C1QTNF7: variants seen among roughly 807,000 people sequenced by gnomAD.
C1QTNF7 encodes the protein complement C1q tumor necrosis factor-related protein 7.
A neutral mutation model predicts 19.6 loss-of-function variants in C1QTNF7; 15 were observed. The observed-to-expected ratio is 0.76, with a 90% confidence interval of 0.51 to 1.18. The LOEUF is 1.18. Ranked by LOEUF, C1QTNF7 falls within the 50% of genes most tolerant of loss-of-function variation. The pLI is 0.00. For missense variants in C1QTNF7, 324 were observed against 359.7 expected (o/e 0.90, Z 0.80); for synonymous variants, 142 against 137.5 (o/e 1.03, Z -0.23).
chr4:15,431,052 TGATAGATAGATAGATAGATA>T (rs33924061), intron 1 of C1QTNF7, among the ~76,000 whole-genome samples: 74 of 145,022 alleles, frequency 5.1e-4, no homozygotes, highest in Admixed American at 8.3e-4. Context: ...GATAGATAGA[TGATAGATAGATAGATAGATA>T]GATAGATAGA....
intron 1 of C1QTNF7, among the ~76,000 whole-genome samples, chr4:15,399,987 T>A (rs941652658): frequency 1.3e-5 from 2 of 152,216 alleles, no homozygotes; most frequent in Admixed American, 6.5e-5. Context: ...CTATCCAATT[T>A]TTCTGAGGCC....
chr4:15,391,471 C>T (rs1298407440), intron 1 of C1QTNF7, among the ~76,000 whole-genome samples: 2 of 152,110 alleles, frequency 1.3e-5, no homozygotes, highest in Non-Finnish European at 2.9e-5. Context: ...AATTAAGAGG[C>T]TATTTCCAAA....
rs1712877810 is a variant in C1QTNF7 at position 15,443,608 on chromosome 4, C to CA, written c.*810dup. The CA allele has an allele frequency of 6.6e-6, 1 of 152,182 alleles. No homozygotes were observed. Among genetic ancestry groups the CA allele is most frequent in the Non-Finnish European group, 1.5e-5 (1 of 68,034 alleles). The allele number at this position is 152,182 out of a possible 1,614,324, so 9.4% of individuals were successfully genotyped here. On this transcript the variant is annotated 3_prime_UTR_variant, in exon 3 of 3. Coordinates refer to ENST00000444304, the MANE Select transcript of C1QTNF7 (RefSeq NM_031911.5). ...ATGGATGCAAAGGGAATGAGGAATT[C>CA]AGCACTGCATTCTCTTTGCACCCTC...
At chr4:15,343,477 A>G (rs2109279177) in intron 1 of C1QTNF7, among the ~76,000 whole-genome samples, 1 of 152,226 alleles carries the variant, frequency 6.6e-6, no homozygotes, top group South Asian at 2.1e-4. Flanking sequence ...TTTAGGAGGA[A>G]AAGTGTCAGC....
Position 15,356,330 on chromosome 4 carries a change from A to G in C1QTNF7, c.13+16123A>G, listed in dbSNP as rs377607637. ...TGTTCTCATTGTTCAACTCCCACTT[A>G]TGAGTGAGAACATGCAGTGTTTGGT... On this transcript the variant is annotated intron_variant, in intron 1 of 2. Coordinates refer to the C1QTNF7 transcript ENST00000295297. 3.0e-4 allele frequency among the ~76,000 whole-genome samples: 46 copies of G among 152,116 alleles called. No individual in the cohort carries two copies. In the South Asian group the frequency reaches 3.7e-3, roughly 12 times the overall value.
chr4:15,435,605 T>C lies in C1QTNF7; in HGVS notation c.-8-131T>C, dbSNP rs543150433. On this transcript the variant is annotated intron_variant, in intron 1 of 2. Coordinates refer to ENST00000444304, the MANE Select transcript of C1QTNF7 (RefSeq NM_031911.5). ...TTATGAAGGTAAACAGTGTTTTACA[T>C]GTCTGGAAAGACGAACACTGGAGTG... 61 of 1,303,692 alleles carry C rather than the reference T, an allele frequency of 4.7e-5. No individual in the cohort carries two copies. In the South Asian group the frequency reaches 7.6e-4, roughly 16 times the overall value. The allele number at this position is 1,303,692 out of a possible 1,614,324, so 80.8% of individuals were successfully genotyped here.
chr4:15,363,485 C>A (rs1413703091), intron 1 of C1QTNF7, among the ~76,000 whole-genome samples: 1 of 152,144 alleles, frequency 6.6e-6, no homozygotes, highest in South Asian at 2.1e-4. Flanking sequence ...CAATAGCAAA[C>A]TACACAGAAC....
rs938750067 is a variant in C1QTNF7, at chr4:15,445,468, C to A, written c.*2669C>A. 5 of 152,152 alleles carry A rather than the reference C, an allele frequency of 3.3e-5. No homozygotes were observed. The highest frequency in any genetic ancestry group is 1.9e-4 in the East Asian group (1 of 5,196). 9.4% of individuals were successfully genotyped at this position (152,152 alleles called of 1,614,324 possible). ...TTGCTTACTTATCTTTTAAATGTTT[C>A]TTTTATTACAAAGCCTATTTTGAGT... On this transcript the variant is annotated 3_prime_UTR_variant, in exon 3 of 3. Coordinates refer to ENST00000444304, the MANE Select transcript of C1QTNF7 (RefSeq NM_031911.5).
rs116915321 is a variant in C1QTNF7, at chr4:15,393,147, G to A, written c.14-42589G>A. Among the ~76,000 whole-genome samples, 451 of 152,194 alleles carry A rather than the reference G, an allele frequency of 3.0e-3. 4 individuals carry two copies. The East Asian group carries it at 0.046, about 16-fold the overall frequency. On this transcript the variant is annotated intron_variant, in intron 1 of 2. Transcript: ENST00000295297. ...TATAAGGGGAAATCTCTTTCGCTTG[G>A]CCCTCTTTTCTGTCTTGTCTGCCGC...
At chr4:15,356,271 C>T (rs1717143822) in intron 1 of C1QTNF7, among the ~76,000 whole-genome samples, 1 of 152,088 alleles carries the variant, frequency 6.6e-6, no homozygotes, top group Non-Finnish European at 1.5e-5. Flanking sequence ...CCCTGACGGG[C>T]CCAGGTGTGT....
At chr4:15,346,132 G>C (rs1351888290) in intron 1 of C1QTNF7, among the ~76,000 whole-genome samples, 1 of 152,130 alleles carries the variant, frequency 6.6e-6, no homozygotes, top group Non-Finnish European at 1.5e-5. Context: ...CATAAACATA[G>C]TATGGCTTTG....
intron 1 of C1QTNF7, among the ~76,000 whole-genome samples, chr4:15,357,041 T>G (rs1442031714): frequency 6.6e-6 from 1 of 152,066 alleles, no homozygotes; most frequent in Non-Finnish European, 1.5e-5. Context: ...TCCCATTCTG[T>G]AGGTTGCCTG....
Position 15,442,571 on chromosome 4 carries a change from G to A in C1QTNF7, c.642G>A (p.Gly214=), listed in dbSNP as rs1266247806. The A allele has an allele frequency of 1.9e-6, 3 of 1,614,032 alleles. No homozygotes were observed. Among genetic ancestry groups the A allele is most frequent in the Non-Finnish European group, 2.5e-6 (3 of 1,180,032 alleles). ...KHLAIGLVHN[G]QYRIKTFDAN... is the part of the protein sequence containing the mutation. ...TGGCAATCGGACTGGTACACAATGG[G>A]CAATACCGGATAAAGACCTTCGACG... The change falls in exon 3 of 3, where the codon GGG becomes GGA. Residue 214 remains glycine, a synonymous_variant. Transcript: ENST00000444304.
rs1008007580 is a variant in C1QTNF7, at chr4:15,445,304, T to C, written c.*2505T>C. ...GTAACTAATCCGGGAAAAGTGAACA[T>C]ATGGGCCCTTTAAAGACTACAAGAT... is the stretch of plus-strand genomic sequence containing the variant. On this transcript the variant is annotated 3_prime_UTR_variant, in exon 3 of 3. Transcript: ENST00000444304. 6.6e-6 allele frequency: 1 copy of C among 152,116 alleles called. No individual in the cohort carries two copies. The highest frequency in any genetic ancestry group is 1.9e-4 in the East Asian group (1 of 5,198). 9.4% of individuals were successfully genotyped at this position (152,116 alleles called of 1,614,324 possible). A position where few individuals can be genotyped will look rare whatever the true frequency, so the allele number is the denominator to read the frequency against.
chr4:15,356,875 G>A (rs897559847), intron 1 of C1QTNF7, among the ~76,000 whole-genome samples: 1 of 148,952 alleles, frequency 6.7e-6, no homozygotes, highest in Non-Finnish European at 1.5e-5. Context: ...TTTCATGTTT[G>A]TTGGCCGCAT....
At position 15,435,873 on chromosome 4, in the gene C1QTNF7, G is replaced by C. The variant is rs760796116; in HGVS notation, c.130G>C (p.Gly44Arg). 1.2e-6 allele frequency: 2 copies of C among 1,614,024 alleles called. No homozygotes were observed. The highest frequency in any genetic ancestry group is 2.2e-5 in the South Asian group (2 of 91,072). The change falls in exon 2 of 3, where the codon GGG (glycine) becomes CGG (arginine). Residue 44 changes from glycine to arginine, a missense_variant. Coordinates refer to ENST00000444304, the MANE Select transcript of C1QTNF7 (RefSeq NM_031911.5). ...CSIPGLPGPP[G>R]PPGANGSPGP... is the part of the protein sequence containing the mutation. ...CATTCCTGGCTTGCCTGGACCTCCAGGGCCCCCTGGAGCAAATGGTTCCCC... is the reference window on the plus strand; with the variant it reads ...CATTCCTGGCTTGCCTGGACCTCCACGGCCCCCTGGAGCAAATGGTTCCCC...
intron 1 of C1QTNF7, among the ~76,000 whole-genome samples, chr4:15,393,062 G>A (rs917704664): frequency 2.0e-5 from 3 of 152,160 alleles, no homozygotes. Flanking sequence ...GAATCATGGG[G>A]GTGGTTCCCC....
At chr4:15,413,720 T>G (rs1458326359) in intron 1 of C1QTNF7, among the ~76,000 whole-genome samples, 2 of 152,186 alleles carry the variant, frequency 1.3e-5, no homozygotes, top group African/African-American at 4.8e-5. Flanking sequence ...GCAAATACAA[T>G]AGCATTCAAA....
chr4:15,340,927 TC>T (rs1716515224), intron 1 of C1QTNF7, among the ~76,000 whole-genome samples: 1 of 152,232 alleles, frequency 6.6e-6, no homozygotes, highest in Non-Finnish European at 1.5e-5. Flanking sequence ...TTCTTGTTTT[TC>T]TGTGCATTGG....
Sources: gnomAD v4.1 joint callset for allele counts (sites outside exome capture counted in the v4.1 genomes callset) on GRCh38, gnomAD v4.1.1 for gene constraint, MANE v1.5 for transcripts, NCBI Gene and HGNC (gene_info 2026-07-23, HGNC 2026-07-21) for gene names.